The following PIAS2 variants were observed in gnomAD, a reference collection of about 807,000 sequenced individuals.
The protein encoded by PIAS2 is E3 SUMO-protein ligase PIAS2.
A neutral mutation model predicts 69.7 loss-of-function variants in PIAS2; 19 were observed. That is an observed-to-expected ratio of 0.27 (90% CI 0.19 to 0.40). The LOEUF (loss-of-function observed/expected upper bound fraction) is 0.40. Ranked by LOEUF, PIAS2 falls within the 10% of genes least tolerant of loss-of-function variation. PIAS2 has a pLI of 1.00. For synonymous variants in PIAS2, 261 were observed against 263.2 expected, an observed-to-expected ratio of 0.99 and a Z score of 0.08; for missense variants, 624 against 757.0, an observed-to-expected ratio of 0.82 and a Z score of 2.06.
chr18:46,888,948 T>C (rs1450419555), intron 2 of PIAS2, among the ~76,000 whole-genome samples: 2 of 152,160 alleles, frequency 1.3e-5, no homozygotes, highest in East Asian at 3.8e-4. Context: ...CATGGTCAAA[T>C]ACTTTTTGAC....
At chr18:46,884,038 A>T (rs2052723655) in intron 2 of PIAS2, among the ~76,000 whole-genome samples, 1 of 152,158 alleles carries the variant, frequency 6.6e-6, no homozygotes, top group Non-Finnish European at 1.5e-5. Flanking sequence ...AAATTTCAGA[A>T]GCAAGCTAAC....
chr18:46,891,908 A>C (rs1294136162), intron 1 of PIAS2, among the ~76,000 whole-genome samples: 2 of 152,138 alleles, frequency 1.3e-5, no homozygotes, highest in Non-Finnish European at 2.9e-5. Context: ...CTACTTAGTG[A>C]TTTCCAGTCA....
At chr18:46,906,879 C>A (rs1424522148) in intron 1 of PIAS2, among the ~76,000 whole-genome samples, 1 of 151,830 alleles carries the variant, frequency 6.6e-6, no homozygotes, top group Non-Finnish European at 1.5e-5. Flanking sequence ...AGGACTTGTG[C>A]TACTTCTGTC....
At chr18:46,901,493 C>T (rs1209181178) in intron 1 of PIAS2, among the ~76,000 whole-genome samples, 1 of 152,066 alleles carries the variant, frequency 6.6e-6, no homozygotes, top group Non-Finnish European at 1.5e-5. Flanking sequence ...TAAAATTCAG[C>T]AATATATAAA....
chr18:46,880,078 T>C (rs1414185557), intron 2 of PIAS2, among the ~76,000 whole-genome samples: 1 of 149,940 alleles, frequency 6.7e-6, no homozygotes, highest in Non-Finnish European at 1.5e-5. Flanking sequence ...ACAGTATGTA[T>C]TTTACCACAG....
At chr18:46,918,408 G>T (rs1031967429), upstream of PIAS2, among the ~76,000 whole-genome samples, 9 of 152,008 alleles carry the variant, frequency 5.9e-5, no homozygotes, top group Non-Finnish European at 1.0e-4. Flanking sequence ...CGTTTCATCC[G>T]CACTGCACTT....
At chr18:46,883,428 C>A (rs975829020) in intron 2 of PIAS2, among the ~76,000 whole-genome samples, 1 of 152,016 alleles carries the variant, frequency 6.6e-6, no homozygotes, top group South Asian at 2.1e-4. Context: ...TAGTGCCAAG[C>A]GCAGTGGCTC....
At position 46,844,855 on chromosome 18, in the gene PIAS2, A is replaced by C; in HGVS notation, c.862-16T>G. The stretch of plus-strand genomic sequence containing the variant: ...TAGAGTAATTCTACAAACAAACAAA[A>C]AAAACCTGCATTAAAGATGAGAGAT... On this transcript the variant is annotated splice_polypyrimidine_tract_variant and intron_variant, in intron 6 of 13. Coordinates refer to ENST00000585916, the MANE Select transcript of PIAS2 (RefSeq NM_004671.5). 1 of 1,066,730 alleles carries C rather than the reference A, an allele frequency of 9.4e-7. No individual in the cohort carries two copies. Among genetic ancestry groups the C allele is most frequent in the East Asian group, 2.7e-5 (1 of 36,418 alleles). 66.1% of individuals were successfully genotyped at this position (1,066,730 alleles called of 1,614,324 possible).
At chr18:46,829,614 A>G (rs2043303716) in intron 10 of PIAS2, 120 bp downstream of exon 10, 4 of 824,772 alleles carry the variant, frequency 4.8e-6, no homozygotes, top group East Asian at 2.5e-5. Flanking sequence ...GGAAAACTAT[A>G]TATCATCAAA....
intron 12 of PIAS2, chr18:46,817,294 CT>C (rs2041664159): frequency 5.1e-6 from 5 of 984,700 alleles, no homozygotes; most frequent in Non-Finnish European, 6.0e-6. Flanking sequence ...AGCCAAGCCA[CT>C]CAAAAATGCT....
chr18:46,861,255 AAATG>A (rs1308956328), intron 3 of PIAS2, among the ~76,000 whole-genome samples: 1 of 152,220 alleles, frequency 6.6e-6, no homozygotes, highest in Non-Finnish European at 1.5e-5. Context: ...TAAACAAACA[AAATG>A]AATGAATGAA....
At chr18:46,830,944 C>A (rs1157381197) in intron 9 of PIAS2, among the ~76,000 whole-genome samples, 1 of 152,114 alleles carries the variant, frequency 6.6e-6, no homozygotes, top group Non-Finnish European at 1.5e-5. Flanking sequence ...AATCCAACAA[C>A]AAATATACAC....
intron 12 of PIAS2, chr18:46,817,816 A>C: frequency 1.0e-6 from 1 of 960,038 alleles, no homozygotes; most frequent in Non-Finnish European, 1.2e-6. Flanking sequence ...TCTAACAAAA[A>C]ACGAAACCAT....
At chr18:46,886,610 G>A (rs1419374527) in intron 2 of PIAS2, among the ~76,000 whole-genome samples, 2 of 152,126 alleles carry the variant, frequency 1.3e-5, no homozygotes, top group African/African-American at 4.8e-5. Flanking sequence ...GGCCAAGGCG[G>A]GTGGATCACC....
chr18:46,872,940 A>T (rs1055748011), intron 2 of PIAS2, among the ~76,000 whole-genome samples: 1 of 152,194 alleles, frequency 6.6e-6, no homozygotes, highest in Non-Finnish European at 1.5e-5. Context: ...CCTTCCCTAG[A>T]AAAACCATTT....
chr18:46,870,863 C>T (rs1439965459), intron 2 of PIAS2, among the ~76,000 whole-genome samples: 1 of 152,030 alleles, frequency 6.6e-6, no homozygotes, highest in Non-Finnish European at 1.5e-5. Context: ...AAATTTCCAG[C>T]CCAAGACCCT....
At chr18:46,878,068 C>G (rs1324566390) in intron 2 of PIAS2, among the ~76,000 whole-genome samples, 1 of 152,118 alleles carries the variant, frequency 6.6e-6, no homozygotes, top group African/African-American at 2.4e-5. Context: ...CTATGGATCC[C>G]TTTTTCCTCT....
intron 5 of PIAS2, among the ~76,000 whole-genome samples, chr18:46,854,570 ATTATT>A (rs1297686378): frequency 6.6e-6 from 1 of 152,328 alleles, no homozygotes; most frequent in South Asian, 2.1e-4. Context: ...TTCTACATTT[ATTATT>A]TTATTTTATT....
intron 3 of PIAS2, among the ~76,000 whole-genome samples, chr18:46,856,008 T>TG (rs1175083642): frequency 8.4e-6 from 1 of 119,690 alleles, no homozygotes; most frequent in Non-Finnish European, 1.9e-5. Context: ...TTTTTTTTTT[T>TG]TTTTTTTTTT....
Sources: allele counts gnomAD v4.1 joint callset (sites outside exome capture counted in the v4.1 genomes callset), GRCh38; gene constraint gnomAD v4.1.1; transcripts MANE v1.5; gene names NCBI Gene and HGNC (gene_info 2026-07-23, HGNC 2026-07-21).